Variants in HERC2 observed in about 807,000 individuals in gnomAD.
The protein encoded by HERC2 is E3 ubiquitin-protein ligase HERC2.
Under a neutral mutation model 537.7 loss-of-function variants are expected in HERC2, and 102 were observed. The observed-to-expected ratio is 0.19, with a 90% CI of 0.16 to 0.22. The LOEUF is 0.22. Ranked by LOEUF, HERC2 falls within the 10% of genes least tolerant of loss-of-function variation. HERC2 has a pLI of 1.00. For missense variants in HERC2, 4,236 were observed against 6,198.2 expected (o/e 0.68, Z 10.63); for synonymous variants, 2,224 against 2,466.2 (o/e 0.90, Z 2.91).
At chr15:28,183,364 C>CA in intron 56 of HERC2, among the ~76,000 whole-genome samples, 1 of 150,158 alleles carries the variant, frequency 6.7e-6, no homozygotes, top group African/African-American at 2.5e-5. Context: ...CCTGCACCAT[C>CA]ATGCCCAGCT....
intron 2 of HERC2, among the ~76,000 whole-genome samples, chr15:28,308,222 T>A (rs192311539): frequency 6.6e-6 from 1 of 152,344 alleles, no homozygotes; most frequent in East Asian, 1.9e-4. Flanking sequence ...TCTTCTTTAA[T>A]GTCTTTCATC....
chr15:28,134,528 T>C (rs1431832626), intron 79 of HERC2, among the ~76,000 whole-genome samples: 3 of 152,184 alleles, frequency 2.0e-5, no homozygotes, highest in Non-Finnish European at 4.4e-5. Context: ...CAGACATCCT[T>C]GCCTTGATCC....
chr15:28,135,672 ACCATAC>A lies in HERC2; in HGVS notation c.12030_12035del (p.Tyr4011_Gly4012del). 6.2e-7 allele frequency: 1 copy of A among 1,613,652 alleles called. No individual in the cohort carries two copies. The highest frequency in any genetic ancestry group is 8.5e-7 in the Non-Finnish European group (1 of 1,179,662). ...CTCCAATGCCTAGTCTGCCACCTGC[ACCATAC>A]CCAGTGGCATACAGCTAAGAAAAGA... On this transcript the variant is annotated inframe_deletion, in exon 79 of 93. Transcript: ENST00000261609.
At position 28,229,586 on chromosome 15, in the gene HERC2, G is replaced by C. The variant is rs151157361; in HGVS notation, c.4994C>G (p.Ala1665Gly). The change falls in exon 33 of 93, where the codon GCA becomes GGA. Residue 1665 changes from alanine (A) to glycine (G), a missense_variant. This residue lies in a region of HERC2 where 343 missense variants were observed against 417.2 expected (regional missense o/e 0.82). Transcript: ENST00000261609. The part of the protein sequence containing the change: ...RKCLLKQLER[A>G]EVRLEGIDTI... ...ATCTATCCCTTCCAGGCGAACCTCT[G>C]CTCTCTCCAACTGCAAAATATCAAT... is the stretch of plus-strand genomic sequence containing the variant. 1.2e-6 allele frequency: 2 copies of C among 1,611,912 alleles called. No homozygotes were observed. Among genetic ancestry groups the C allele is most frequent in the Non-Finnish European group, 1.7e-6 (2 of 1,179,430 alleles).
Position 28,198,628 on chromosome 15 carries a change from C to A in HERC2, c.7858G>T (p.Val2620Phe), listed in dbSNP as rs748127609. The A allele has an allele frequency of 1.4e-5, 23 of 1,613,796 alleles. No individual in the cohort carries two copies. The highest frequency in any genetic ancestry group is 1.9e-5 in the Non-Finnish European group (22 of 1,179,890). ...ATAAGTTCCACATGAATGTACCTAA[C>A]CCAGTAGGTGCCCCCTTTCTGCTGC... The part of the protein sequence containing the change: ...DWQQKGGTYW[V>F]RYIHVELIGY... Residue 2620 changes from valine to phenylalanine, a missense_variant, in exon 49 of 93, where the codon GTT becomes TTT. By Grantham distance (50) the Val-to-Phe change is conservative. This residue lies in a region of HERC2 where 606 missense variants were observed against 884.5 expected (regional missense o/e 0.69). Transcript: ENST00000261609.
intron 68 of HERC2, among the ~76,000 whole-genome samples, chr15:28,163,819 T>A (rs1184032703): frequency 1.3e-5 from 2 of 152,160 alleles, no homozygotes; most frequent in Admixed American, 1.3e-4. Flanking sequence ...AAAAGTCTTC[T>A]CATTACCACT....
chr15:28,239,458 G>T (rs1333775418), intron 23 of HERC2, among the ~76,000 whole-genome samples: 1 of 150,578 alleles, frequency 6.6e-6, no homozygotes, highest in African/African-American at 2.5e-5. Context: ...AGTTCAAGAA[G>T]TCAAGCTTAG....
intron 47 of HERC2, among the ~76,000 whole-genome samples, chr15:28,201,782 C>T (rs1005381940): frequency 1.3e-5 from 2 of 152,090 alleles, no homozygotes; most frequent in African/African-American, 4.8e-5. Flanking sequence ...CAAATTAATC[C>T]TACGAATAAT....
intron 20 of HERC2, among the ~76,000 whole-genome samples, chr15:28,249,039 T>C (rs1040064301): frequency 2.0e-5 from 3 of 152,256 alleles, no homozygotes; most frequent in African/African-American, 7.2e-5. Flanking sequence ...AAAGGAATAC[T>C]TCCACATTCC....
chr15:28,288,713 T>G (rs1358973532), intron 4 of HERC2, among the ~76,000 whole-genome samples: 1 of 151,500 alleles, frequency 6.6e-6, no homozygotes, highest in Non-Finnish European at 1.5e-5. Flanking sequence ...CCAGGCACGG[T>G]GGTGCCTGCC....
intron 7 of HERC2, among the ~76,000 whole-genome samples, chr15:28,273,849 T>A (rs2075802087): frequency 6.6e-6 from 1 of 152,158 alleles, no homozygotes; most frequent in African/African-American, 2.4e-5. Context: ...CACAAATGAT[T>A]CCTATTCAAA....
At chr15:28,133,661 T>C (rs1484014780) in intron 79 of HERC2, among the ~76,000 whole-genome samples, 1 of 152,254 alleles carries the variant, frequency 6.6e-6, no homozygotes, top group Non-Finnish European at 1.5e-5. Flanking sequence ...TTTCTTGCCA[T>C]AGGTTATCCA....
At chr15:28,285,093 T>C (rs1229994655) in intron 4 of HERC2, among the ~76,000 whole-genome samples, 1 of 152,076 alleles carries the variant, frequency 6.6e-6, no homozygotes, top group East Asian at 1.9e-4. Flanking sequence ...ACATTTATAC[T>C]TTTATAGTTG....
intron 78 of HERC2, among the ~76,000 whole-genome samples, chr15:28,138,320 T>C (rs556370034): frequency 1.9e-4 from 29 of 152,304 alleles, no homozygotes; most frequent in African/African-American, 7.0e-4. Flanking sequence ...AGATGCCAGC[T>C]AGGACTTTCA....
At chr15:28,299,070 T>A (rs2076550432) in intron 3 of HERC2, among the ~76,000 whole-genome samples, 1 of 152,192 alleles carries the variant, frequency 6.6e-6, no homozygotes, top group African/African-American at 2.4e-5. Context: ...ATAGTCTTAC[T>A]GAGCATGCAA....
At chr15:28,168,642 G>T (rs568209015) in intron 66 of HERC2, 52 bp from the exon 67 acceptor site, 43 of 1,528,288 alleles carry the variant, frequency 2.8e-5, no homozygotes, top group Non-Finnish European at 3.7e-5. Flanking sequence ...CTCCACTGCA[G>T]CACAGGAAGT....
In HERC2 at chr15:28,206,801, C is replaced by G. The variant is rs202041788; in HGVS notation, c.7070-419G>C. ...TGAGCTGAGATTGTGCCACTGCACTCCAGCCTGGGCGACAGACCAAGACTC... is the reference window on the plus strand; with the variant it reads ...TGAGCTGAGATTGTGCCACTGCACTGCAGCCTGGGCGACAGACCAAGACTC... On this transcript the variant is annotated intron_variant, in intron 44 of 92. Coordinates refer to ENST00000261609, the MANE Select transcript of HERC2 (RefSeq NM_004667.6). 1.1e-4 allele frequency among the ~76,000 whole-genome samples: 16 copies of G among 140,642 alleles called. No individual in the cohort carries two copies. In the East Asian group the frequency reaches 2.7e-3, roughly 24 times the overall value. 92.3% of individuals were successfully genotyped at this position (140,642 alleles called of 152,430 possible). A position where few individuals can be genotyped will look rare whatever the true frequency, so the allele number is the denominator to read the frequency against.
intron 30 of HERC2, among the ~76,000 whole-genome samples, 195 bp downstream of exon 30, chr15:28,232,951 T>C (rs530578972): frequency 1.3e-5 from 2 of 152,338 alleles, no homozygotes; most frequent in South Asian, 4.1e-4. Context: ...ATTCCTAAAC[T>C]GTCTCATTGT....
chr15:28,205,941 C>T (rs1354845387), intron 45 of HERC2, among the ~76,000 whole-genome samples: 2 of 151,348 alleles, frequency 1.3e-5, no homozygotes, highest in Non-Finnish European at 2.9e-5. Context: ...AATTCTACTT[C>T]CTGGAAAAAG....
Sources: gnomAD v4.1 joint callset for allele counts (sites outside exome capture counted in the v4.1 genomes callset) on GRCh38, gnomAD v4.1.1 for gene constraint, gnomAD v4.1.1 regional missense constraint, MANE v1.5 for transcripts, NCBI Gene and HGNC (gene_info 2026-07-23, HGNC 2026-07-21) for gene names.